The following ACOXL variants were observed in gnomAD, a reference collection of about 807,000 sequenced individuals.
ACOXL encodes acyl-coenzyme A oxidase-like protein.
A neutral mutation model predicts 71.9 loss-of-function variants in ACOXL; 70 were observed. The ratio of observed to expected loss-of-function variants is 0.97; its 90% CI spans 0.80 to 1.19. The LOEUF (loss-of-function observed/expected upper bound fraction) is 1.19. Ranked by LOEUF, ACOXL falls within the 50% of genes most tolerant of loss-of-function variation. The probability of loss-of-function intolerance (pLI) is 0.00; values close to 1 mark genes in which losing one functional copy is unlikely to be tolerated. For missense variants in ACOXL, 703 were observed against 736.3 expected (o/e 0.95, Z 0.52); for synonymous variants, 253 against 281.6 (o/e 0.90, Z 1.02).
chr2:111,089,276 G>A (rs1306033040), intron 16 of ACOXL, among the ~76,000 whole-genome samples: 1 of 152,084 alleles, frequency 6.6e-6, no homozygotes, highest in Admixed American at 6.5e-5. Context: ...CCAGCCTGGC[G>A]ATAGACCGAG....
At chr2:111,049,386 T>C in intron 16 of ACOXL, 98 bp downstream of exon 16, 1 of 954,992 alleles carries the variant, frequency 1.0e-6, no homozygotes, top group East Asian at 2.6e-5. Context: ...AAATTTATCA[T>C]GTCTGAATCG....
At chr2:110,851,064 G>T (rs893969019) in intron 10 of ACOXL, among the ~76,000 whole-genome samples, 6 of 152,172 alleles carry the variant, frequency 3.9e-5, no homozygotes, top group Non-Finnish European at 8.8e-5. Flanking sequence ...TTCTGGAAAA[G>T]AGCAAACTAT....
At chr2:110,967,633 G>C (rs955940132) in intron 12 of ACOXL, among the ~76,000 whole-genome samples, 1 of 152,168 alleles carries the variant, frequency 6.6e-6, no homozygotes, top group South Asian at 2.1e-4. Flanking sequence ...ATACTGTGAG[G>C]TTCTGGGGGA....
chr2:111,048,911 C>G (rs752421884), intron 15 of ACOXL, among the ~76,000 whole-genome samples: 1 of 152,150 alleles, frequency 6.6e-6, no homozygotes, highest in Non-Finnish European at 1.5e-5. Flanking sequence ...GATAGAGTGT[C>G]ATCTCTGGGG....
chr2:110,906,209 G>T lies in ACOXL; in HGVS notation c.789-2580G>T, dbSNP rs185173292. 7.4e-3 allele frequency among the ~76,000 whole-genome samples: 1,129 copies of T among 152,118 alleles called. 14 individuals carry two copies. The highest frequency in any genetic ancestry group is 0.012 in the Non-Finnish European group (810 of 67,994). ...TTATGGTGGCCAAGACAAAGAGTTC[G>T]CCATAGAAACAAATTTTGATGAGAT... On this transcript the variant is annotated intron_variant, in intron 10 of 17. Coordinates refer to ENST00000439055, the MANE Select transcript of ACOXL (RefSeq NM_001142807.4).
intron 1 of ACOXL, among the ~76,000 whole-genome samples, chr2:110,749,667 G>T (rs569359635): frequency 6.6e-6 from 1 of 152,362 alleles, no homozygotes; most frequent in Non-Finnish European, 1.5e-5. Flanking sequence ...GGTGGAGGTT[G>T]CAGTGAGCCG....
intron 14 of ACOXL, among the ~76,000 whole-genome samples, chr2:111,004,412 AC>A (rs2063779983): frequency 6.6e-6 from 1 of 152,204 alleles, no homozygotes; most frequent in Non-Finnish European, 1.5e-5. Flanking sequence ...AGTCGAGAAG[AC>A]CATTGAGTTC....
At chr2:110,996,739 C>G (rs935005874) in intron 14 of ACOXL, among the ~76,000 whole-genome samples, 2 of 152,152 alleles carry the variant, frequency 1.3e-5, no homozygotes, top group Non-Finnish European at 2.9e-5. Context: ...CAGTTCACCC[C>G]TTTTTATATG....
chr2:110,959,823 A>C (rs2061634142), intron 12 of ACOXL, among the ~76,000 whole-genome samples: 1 of 152,202 alleles, frequency 6.6e-6, no homozygotes, highest in Non-Finnish European at 1.5e-5. Context: ...ATATATCATT[A>C]GCTGTGTTCA....
chr2:111,071,275 C>T (rs2067328591), intron 16 of ACOXL, among the ~76,000 whole-genome samples: 1 of 152,080 alleles, frequency 6.6e-6, no homozygotes, highest in Non-Finnish European at 1.5e-5. Context: ...CCCCTCTTGC[C>T]CCATTCAGGT....
At chr2:110,985,916 A>T (rs1048606669) in intron 12 of ACOXL, among the ~76,000 whole-genome samples, 3 of 152,192 alleles carry the variant, frequency 2.0e-5, no homozygotes, top group Non-Finnish European at 4.4e-5. Context: ...AATGCCTTGA[A>T]AGTTTTCAGC....
At chr2:110,943,311 GAGAAAA>G (rs1226355742) in intron 12 of ACOXL, among the ~76,000 whole-genome samples, 3 of 150,124 alleles carry the variant, frequency 2.0e-5, no homozygotes, top group South Asian at 2.1e-4. Flanking sequence ...AAGAGAGAAA[GAGAAAA>G]AGAAAAAGAA....
chr2:110,890,731 A>G (rs1288304319), intron 10 of ACOXL, among the ~76,000 whole-genome samples: 3 of 152,094 alleles, frequency 2.0e-5, no homozygotes, highest in Non-Finnish European at 2.9e-5. Context: ...CAAGTTTTCC[A>G]ATTGAGAAGT....
intron 12 of ACOXL, among the ~76,000 whole-genome samples, chr2:110,952,496 G>T (rs1382764016): frequency 6.6e-6 from 1 of 152,062 alleles, no homozygotes; most frequent in African/African-American, 2.4e-5. Flanking sequence ...AGGTTTCACT[G>T]TGTCACCCAG....
Position 110,805,282 on chromosome 2 carries a change from G to C in ACOXL, c.640G>C (p.Asp214His), listed in dbSNP as rs1328233559. 1 of 1,614,170 alleles carries C rather than the reference G, an allele frequency of 6.2e-7. No individual in the cohort carries two copies. ...CCACAGGTTTGGTTCCGTGGCTCCA[G>C]ATGGACAGTACCATTCGCCTATTAG... is the stretch of plus-strand genomic sequence containing the variant. The part of the protein sequence containing the change: ...LLDKFGSVAP[D>H]GQYHSPIRNK... Residue 214 changes from aspartate (D) to histidine (H), a missense_variant, in exon 9 of 18, where the codon GAT becomes CAT. Asp to His is a moderately conservative substitution (Grantham distance 81, BLOSUM62 -1). Coordinates refer to ENST00000439055, the MANE Select transcript of ACOXL (RefSeq NM_001142807.4).
chr2:111,066,381 A>G (rs1048202007), intron 16 of ACOXL, among the ~76,000 whole-genome samples: 2 of 152,266 alleles, frequency 1.3e-5, no homozygotes, highest in Non-Finnish European at 1.5e-5. Context: ...GGATGAGGAG[A>G]TGTTTGCAGA....
intron 2 of ACOXL, among the ~76,000 whole-genome samples, chr2:110,780,859 C>A (rs1220538469): frequency 6.6e-6 from 1 of 151,746 alleles, no homozygotes; most frequent in Non-Finnish European, 1.5e-5. Context: ...CATGGTGAGA[C>A]CCTAGTTTCC....
chr2:110,842,872 ATTGT>A (rs1439752955), intron 10 of ACOXL, among the ~76,000 whole-genome samples: 1 of 152,022 alleles, frequency 6.6e-6, no homozygotes. Flanking sequence ...AACCCCATCA[ATTGT>A]TTGTATGTTT....
intron 9 of ACOXL, among the ~76,000 whole-genome samples, chr2:110,831,787 G>A (rs761940306): frequency 9.9e-5 from 15 of 152,102 alleles, no homozygotes; most frequent in African/African-American, 1.7e-4. Flanking sequence ...CCAATTGCCC[G>A]TTGATTCTTT....
Sources: allele counts gnomAD v4.1 joint callset (sites outside exome capture counted in the v4.1 genomes callset), GRCh38; gene constraint gnomAD v4.1.1; transcripts MANE v1.5; gene names NCBI Gene and HGNC (gene_info 2026-07-23, HGNC 2026-07-21).